The following CD226 variants were observed in gnomAD, a reference collection of about 807,000 sequenced individuals.
CD226 encodes CD226 antigen.
A neutral mutation model predicts 34.9 loss-of-function variants in CD226; 24 were observed. That is an observed-to-expected ratio of 0.69 (90% CI 0.50 to 0.97). The LOEUF is 0.97. Among genes scored for constraint, CD226 ranks in the 50% least tolerant of loss-of-function variants. The pLI is 0.00. For missense variants in CD226, 397 were observed against 412.7 expected, an observed-to-expected ratio of 0.96 and a Z score of 0.33; for synonymous variants, 148 against 147.4, an observed-to-expected ratio of 1.00 and a Z score of -0.03.
intron 2 of CD226, among the ~76,000 whole-genome samples, chr18:69,906,160 A>C (rs1208553341): frequency 6.6e-6 from 1 of 152,232 alleles, no homozygotes; most frequent in African/African-American, 2.4e-5. Context: ...CTAAGAACCA[A>C]CTGATATAAT....
In CD226 at chr18:69,859,499, A is replaced by T. The variant is rs1411690094; in HGVS notation, c.*4815T>A. 1.3e-5 allele frequency: 2 copies of T among 152,264 alleles called. No homozygotes were observed. The highest frequency in any genetic ancestry group is 2.1e-4 in the South Asian group (1 of 4,822). The allele number at this position is 152,264 out of a possible 1,614,324, so 9.4% of individuals were successfully genotyped here. On this transcript the variant is annotated 3_prime_UTR_variant, in exon 6 of 6. Coordinates refer to ENST00000582621, the MANE Select transcript of CD226 (RefSeq NM_001303618.2). Reference sequence around the variant, plus strand: ...TTTAATACAAATATTTCTGAAAGAGACATGAGAAGAGTATTTTATGTGGTG... The same window carrying T: ...TTTAATACAAATATTTCTGAAAGAGTCATGAGAAGAGTATTTTATGTGGTG...
At chr18:69,960,949 A>C (rs1009078118), upstream of CD226, among the ~76,000 whole-genome samples, 1 of 152,228 alleles carries the variant, frequency 6.6e-6, no homozygotes, top group Non-Finnish European at 1.5e-5. Context: ...TGGAGGTTTT[A>C]ACTAAATGTA....
At chr18:69,882,224 T>C (rs1044146090) in intron 3 of CD226, among the ~76,000 whole-genome samples, 5 of 152,212 alleles carry the variant, frequency 3.3e-5, no homozygotes, top group African/African-American at 1.2e-4. Flanking sequence ...CCTCTCTTGA[T>C]GGCAAATTAT....
intron 3 of CD226, among the ~76,000 whole-genome samples, chr18:69,881,799 C>T (rs569740790): frequency 6.6e-6 from 1 of 152,024 alleles, no homozygotes; most frequent in South Asian, 2.1e-4. Context: ...ATAACTGTTG[C>T]CTTGGCAGAC....
chr18:69,880,226 G>A (rs1984137880), intron 3 of CD226, among the ~76,000 whole-genome samples: 2 of 148,798 alleles, frequency 1.3e-5, no homozygotes, highest in African/African-American at 2.5e-5. Context: ...AGGCAGGGAG[G>A]AGAAAGAAAG....
chr18:69,890,219 C>G (rs1019608483), intron 3 of CD226, among the ~76,000 whole-genome samples: 21 of 152,182 alleles, frequency 1.4e-4, no homozygotes, highest in African/African-American at 4.3e-4. Flanking sequence ...TGGGCATATT[C>G]TGAAAAGATG....
In CD226 at chr18:69,933,191, G is replaced by A. The variant is rs150778633; in HGVS notation, c.382+13543C>T. Among the ~76,000 whole-genome samples the A allele has an allele frequency of 4.1e-4, 62 of 152,146 alleles. No homozygotes were observed. In the East Asian group the frequency reaches 8.7e-3, roughly 21 times the overall value. On this transcript the variant is annotated intron_variant, in intron 2 of 5. Transcript: ENST00000582621. ...CCTTCCTACCTCTACATCATCCTCC[G>A]TGCTGTTGGTAGGGTCATGGCTCCC...
At chr18:69,877,212 A>T (rs1398132015) in intron 3 of CD226, among the ~76,000 whole-genome samples, 1 of 152,162 alleles carries the variant, frequency 6.6e-6, no homozygotes, top group Non-Finnish European at 1.5e-5. Flanking sequence ...GGGGTTCCCA[A>T]GACCCCTTTT....
rs1419721060 is a variant in CD226, at chr18:69,855,675, G to C, written c.*8639C>G. The C allele has an allele frequency of 2.6e-5, 4 of 151,970 alleles. No homozygotes were observed. The highest frequency in any genetic ancestry group is 9.7e-5 in the African/African-American group (4 of 41,368). The allele number at this position is 151,970 out of a possible 1,614,324, so 9.4% of individuals were successfully genotyped here. A position where few individuals can be genotyped will look rare whatever the true frequency, so the allele number is the denominator to read the frequency against. ...GAAAAACCTAGGTTGATCAATGAAA[G>C]ATATGCCACGAGAGAAAATTAAATC... is the stretch of plus-strand genomic sequence containing the variant. On this transcript the variant is annotated 3_prime_UTR_variant, in exon 6 of 6. Transcript: ENST00000582621.
intron 2 of CD226, among the ~76,000 whole-genome samples, chr18:69,915,313 G>T (rs2055372402): frequency 6.6e-6 from 1 of 152,132 alleles, no homozygotes; most frequent in Non-Finnish European, 1.5e-5. Context: ...TCTAATAAAT[G>T]AATTCAATGT....
At chr18:69,902,299 T>A (rs2055197084) in intron 2 of CD226, among the ~76,000 whole-genome samples, 1 of 152,068 alleles carries the variant, frequency 6.6e-6, no homozygotes, top group Non-Finnish European at 1.5e-5. Flanking sequence ...TCTTCCCTAT[T>A]CATTCAAAAT....
At chr18:69,889,050 T>C (rs1047459244) in intron 3 of CD226, among the ~76,000 whole-genome samples, 1 of 151,918 alleles carries the variant, frequency 6.6e-6, no homozygotes, top group Non-Finnish European at 1.5e-5. Flanking sequence ...CAATAGATCA[T>C]TAAAAAAAAT....
upstream of CD226, among the ~76,000 whole-genome samples, chr18:69,960,406 A>T (rs894616053): frequency 3.9e-5 from 6 of 152,176 alleles, no homozygotes; most frequent in Non-Finnish European, 8.8e-5. Flanking sequence ...ACAAAAGGCA[A>T]TTATGATGAA....
At chr18:69,896,222 C>A in intron 2 of CD226, 177 bp from the exon 3 acceptor site, 2 of 896,230 alleles carry the variant, frequency 2.2e-6, no homozygotes, top group African/African-American at 1.8e-5. Flanking sequence ...TGCTCTGTCA[C>A]CCAGACTAGA....
At chr18:69,896,940 C>CTGGAA (rs1568177947) in intron 2 of CD226, among the ~76,000 whole-genome samples, 2 of 152,316 alleles carry the variant, frequency 1.3e-5, no homozygotes, top group South Asian at 4.1e-4. Flanking sequence ...CACACCATTT[C>CTGGAA]TGGAATTCCT....
intron 2 of CD226, among the ~76,000 whole-genome samples, chr18:69,924,530 C>A: frequency 6.8e-6 from 1 of 147,136 alleles, no homozygotes; most frequent in African/African-American, 2.5e-5. Context: ...GTAAAAATCC[C>A]AAAGAAACCC....
At chr18:69,884,132 C>A (rs1379175539) in intron 3 of CD226, among the ~76,000 whole-genome samples, 2 of 152,340 alleles carry the variant, frequency 1.3e-5, no homozygotes, top group South Asian at 2.1e-4. Context: ...AGAGAGCCAA[C>A]CTTGCAGGCA....
intron 2 of CD226, among the ~76,000 whole-genome samples, chr18:69,921,027 G>A (rs1171614124): frequency 6.6e-6 from 1 of 152,162 alleles, no homozygotes; most frequent in Non-Finnish European, 1.5e-5. Context: ...GGACGCAATT[G>A]CTCAGTTCTT....
Position 69,947,449 on chromosome 18 carries a change from A to T in CD226, c.-43T>A. On this transcript the variant is annotated 5_prime_UTR_variant, in exon 1 of 6. Coordinates refer to ENST00000582621, the MANE Select transcript of CD226 (RefSeq NM_001303618.2). ...AAGGCTGGTTCTATTAAAAAAAAAA[A>T]TTGCTTTTTATAATGTGACATGCAG... is the stretch of plus-strand genomic sequence containing the variant. The T allele has an allele frequency of 1.4e-6, 2 of 1,392,160 alleles. No individual in the cohort carries two copies. Among genetic ancestry groups the T allele is most frequent in the South Asian group, 1.3e-5 (1 of 78,986 alleles). The allele number at this position is 1,392,160 out of a possible 1,614,324, so 86.2% of individuals were successfully genotyped here.
Sources: gnomAD v4.1 joint callset for allele counts (sites outside exome capture counted in the v4.1 genomes callset) on GRCh38, gnomAD v4.1.1 for gene constraint, MANE v1.5 for transcripts, NCBI Gene and HGNC (gene_info 2026-07-23, HGNC 2026-07-21) for gene names.